IL4R: variants seen among roughly 807,000 people sequenced by gnomAD.
IL4R encodes the protein interleukin 4 receptor, also known as interleukin-4 receptor subunit alpha.
In IL4R, 17 loss-of-function variants were observed where a neutral mutation model predicts 41.5. The ratio of observed to expected loss-of-function variants is 0.41; its 90% confidence interval spans 0.28 to 0.61. IL4R has a LOEUF of 0.61. Ranked by LOEUF, IL4R falls within the 20% of genes least tolerant of loss-of-function variation. IL4R has a pLI of 0.31. For synonymous variants in IL4R, 402 were observed against 422.9 expected, an observed-to-expected ratio of 0.95 and a Z score of 0.61; for missense variants, 974 against 1,043.1, an observed-to-expected ratio of 0.93 and a Z score of 0.91.
At position 27,362,253 on chromosome 16, in the gene IL4R, C is replaced by T. The variant is rs763503887; in HGVS notation, c.901C>T (p.His301Tyr). ...SRGQEPAKCPHWKNCLTKLLP... is the reference protein window; with the variant it reads ...SRGQEPAKCPYWKNCLTKLLP... Reference sequence around the variant, plus strand: ...CCTGACCAACCTTTGCTTTTGCAGACACTGGAAGAATTGTCTTACCAAGCT... The same window carrying T: ...CCTGACCAACCTTTGCTTTTGCAGATACTGGAAGAATTGTCTTACCAAGCT... Residue 301 changes from histidine (H) to tyrosine (Y), a missense_variant and splice_region_variant, in exon 11 of 11, where the codon CAC (histidine) becomes TAC (tyrosine). By Grantham distance (83) the His-to-Tyr change is moderately conservative. Transcript: ENST00000395762. 6.2e-7 allele frequency: 1 copy of T among 1,613,444 alleles called. No individual in the cohort carries two copies. Among genetic ancestry groups the T allele is most frequent in the East Asian group, 2.2e-5 (1 of 44,872 alleles).
At chr16:27,361,039 T>C (rs1042164082) in intron 10 of IL4R, 6 of 1,425,148 alleles carry the variant, frequency 4.2e-6, no homozygotes, top group Non-Finnish European at 5.5e-6. Context: ...TGATACCCCT[T>C]GGGAGTGCTG....
chr16:27,352,655 C>T lies in IL4R; in HGVS notation c.629C>T (p.Thr210Ile). ...RVRAWAQCYN[T>I]TWSEWSPSTK... ...AGGGCCTGGGCTCAGTGCTATAACA[C>T]CACCTGGAGTGAGTGGAGCCCCAGC... is the stretch of plus-strand genomic sequence containing the variant. The change falls in exon 7 of 11, where the codon ACC becomes ATC. Residue 210 changes from threonine to isoleucine, a missense_variant. Coordinates refer to ENST00000395762, the MANE Select transcript of IL4R (RefSeq NM_000418.4). 3 of 1,614,102 alleles carry T rather than the reference C, an allele frequency of 1.9e-6. No individual in the cohort carries two copies. Among genetic ancestry groups the T allele is most frequent in the East Asian group, 4.5e-5 (2 of 44,900 alleles).
chr16:27,362,218 G>A (rs567844985), intron 10 of IL4R, 34 bp from the exon 11 acceptor site: 53 of 1,599,988 alleles, frequency 3.3e-5, no homozygotes, highest in East Asian at 2.0e-4. Context: ...TTCAAGTGTC[G>A]AAACTGAACC....
intron 6 of IL4R, among the ~76,000 whole-genome samples, chr16:27,351,409 C>T (rs1297751872): frequency 6.6e-6 from 1 of 152,040 alleles, no homozygotes; most frequent in African/African-American, 2.4e-5. Flanking sequence ...CCTGCCCACA[C>T]TCGAGAAGAC....
chr16:27,314,096 G>T (rs2084551433), intron 1 of IL4R, 76 bp downstream of exon 1: 2 of 985,094 alleles, frequency 2.0e-6, no homozygotes, highest in South Asian at 4.7e-5. Context: ...CGTTCGGGAA[G>T]GGCTCGGCCG....
intron 1 of IL4R, among the ~76,000 whole-genome samples, chr16:27,316,983 A>G (rs1027105657): frequency 2.0e-5 from 3 of 150,540 alleles, no homozygotes; most frequent in Middle Eastern, 3.4e-3. Flanking sequence ...AGCTCACTGT[A>G]GCATCCAATA....
Position 27,362,889 on chromosome 16 carries a change from C to T in IL4R, c.1537C>T (p.Leu513=). The change falls in exon 11 of 11, where the codon CTG becomes TTG. Residue 513 remains leucine (L), a synonymous_variant. Coordinates refer to ENST00000395762, the MANE Select transcript of IL4R (RefSeq NM_000418.4). ...GAGCCAGTCACCGTGTCCCAGAGAGCTGGGTCCAGACCCACTGCTGGCCAG... is the reference window on the plus strand; with the variant it reads ...GAGCCAGTCACCGTGTCCCAGAGAGTTGGGTCCAGACCCACTGCTGGCCAG... The part of the protein sequence containing the change: ...SLSQSPCPRE[L]GPDPLLARHL... 1 of 1,614,166 alleles carries T rather than the reference C, an allele frequency of 6.2e-7. No homozygotes were observed. Among genetic ancestry groups the T allele is most frequent in the South Asian group, 1.1e-5 (1 of 91,086 alleles).
At chr16:27,347,447 T>C (rs975715890) in intron 6 of IL4R, among the ~76,000 whole-genome samples, 1 of 152,192 alleles carries the variant, frequency 6.6e-6, no homozygotes, top group Non-Finnish European at 1.5e-5. Context: ...CGCCTTGGCC[T>C]CCCAAAGTGC....
intron 10 of IL4R, chr16:27,361,047 C>T (rs1290875960): frequency 7.1e-7 from 1 of 1,414,788 alleles, no homozygotes; most frequent in African/African-American, 1.4e-5. Context: ...CTTGGGAGTG[C>T]TGTTATAGTT....
At chr16:27,339,096 C>G (rs1453469386) in intron 2 of IL4R, among the ~76,000 whole-genome samples, 1 of 151,996 alleles carries the variant, frequency 6.6e-6, no homozygotes, top group Non-Finnish European at 1.5e-5. Context: ...CTCAGGTGAT[C>G]CACCCACCTT....
intron 2 of IL4R, among the ~76,000 whole-genome samples, chr16:27,336,054 A>C (rs1178100428): frequency 6.6e-6 from 1 of 152,150 alleles, no homozygotes; most frequent in Non-Finnish European, 1.5e-5. Context: ...TATGTGTCTC[A>C]TACACAGATG....
Position 27,346,525 on chromosome 16 carries a change from G to A in IL4R, c.420G>A (p.Leu140=). ...TVHTNVSDTL[L]LTWSNPYPPD... Reference sequence around the variant, plus strand: ...ACACCAATGTCTCCGACACTCTGCTGCTGACCTGGAGCAACCCGTATCCCC... The same window carrying A: ...ACACCAATGTCTCCGACACTCTGCTACTGACCTGGAGCAACCCGTATCCCC... The change falls in exon 6 of 11, where the codon CTG becomes CTA. Residue 140 remains leucine (L), a synonymous_variant. Coordinates refer to ENST00000395762, the MANE Select transcript of IL4R (RefSeq NM_000418.4). 6.2e-7 allele frequency: 1 copy of A among 1,614,140 alleles called. No homozygotes were observed. The highest frequency in any genetic ancestry group is 1.1e-5 in the South Asian group (1 of 91,086).
chr16:27,325,998 C>A (rs757584875), intron 1 of IL4R, among the ~76,000 whole-genome samples: 1 of 152,134 alleles, frequency 6.6e-6, no homozygotes, highest in Non-Finnish European at 1.5e-5. Context: ...CCCACAGCAT[C>A]CATCCTGTCA....
intron 2 of IL4R, among the ~76,000 whole-genome samples, chr16:27,331,138 G>C (rs971043336): frequency 2.0e-5 from 3 of 152,088 alleles, no homozygotes; most frequent in Non-Finnish European, 4.4e-5. Context: ...TTTGACCTGA[G>C]GTCCTCACTT....
intron 4 of IL4R, among the ~76,000 whole-genome samples, chr16:27,343,124 G>A (rs571721585): frequency 1.8e-4 from 27 of 152,260 alleles, no homozygotes; most frequent in East Asian, 9.6e-4. Context: ...AGGATGCTTC[G>A]TTACACTGGT....
chr16:27,322,547 C>T (rs2084844898), intron 1 of IL4R, among the ~76,000 whole-genome samples: 1 of 151,992 alleles, frequency 6.6e-6, no homozygotes, highest in Non-Finnish European at 1.5e-5. Context: ...CCCATCTCTA[C>T]CAAAAACTAA....
intron 1 of IL4R, among the ~76,000 whole-genome samples, chr16:27,323,721 T>A (rs2084877371): frequency 6.6e-6 from 1 of 151,974 alleles, no homozygotes; most frequent in Non-Finnish European, 1.5e-5. Context: ...AGTGGCATGA[T>A]CACAGTTCAC....
intron 1 of IL4R, among the ~76,000 whole-genome samples, chr16:27,314,707 G>A (rs1350963802): frequency 6.6e-6 from 1 of 152,184 alleles, no homozygotes; most frequent in Non-Finnish European, 1.5e-5. Context: ...CCACGCCAGA[G>A]CCAGCTGCTC....
chr16:27,337,563 TTTTTTC>T (rs1203771570), intron 2 of IL4R, among the ~76,000 whole-genome samples: 24 of 151,752 alleles, frequency 1.6e-4, no homozygotes, highest in African/African-American at 5.3e-4. Flanking sequence ...GCTGTTTTCT[TTTTTTC>T]TTTTTCTTTT....
Sources: allele counts gnomAD v4.1 joint callset (sites outside exome capture counted in the v4.1 genomes callset), GRCh38; gene constraint gnomAD v4.1.1; transcripts MANE v1.5; gene names NCBI Gene and HGNC (gene_info 2026-07-23, HGNC 2026-07-21).